The following CSMD1 variants were observed in gnomAD, a reference collection of about 807,000 sequenced individuals.
CSMD1 encodes the protein CUB and sushi domain-containing protein 1.
A neutral mutation model predicts 417.5 loss-of-function variants in CSMD1; 213 were observed. The ratio of observed to expected loss-of-function variants is 0.51; its 90% CI spans 0.46 to 0.57. CSMD1 has a LOEUF of 0.57. CSMD1 is among the 20% of genes least tolerant of loss of function. The pLI is 0.00. For missense variants in CSMD1, 6,923 were observed against 4,529.7 expected, an observed-to-expected ratio of 1.53 and a Z score of -15.17; for synonymous variants, 2,862 against 1,736.8, an observed-to-expected ratio of 1.65 and a Z score of -16.11.
At chr8:4,430,076 A>G (rs1158794623) in intron 2 of CSMD1, among the ~76,000 whole-genome samples, 1 of 152,322 alleles carries the variant, frequency 6.6e-6, no homozygotes, top group African/African-American at 2.4e-5. Flanking sequence ...AAGCAGAAAC[A>G]AAACTTAATG....
chr8:3,241,400 C>T (rs562436283), intron 26 of CSMD1, among the ~76,000 whole-genome samples: 1 of 152,016 alleles, frequency 6.6e-6, no homozygotes, highest in Admixed American at 6.6e-5. Flanking sequence ...ACGGTCTTAC[C>T]CTCCACTGTG....
intron 3 of CSMD1, among the ~76,000 whole-genome samples, chr8:4,181,895 T>C (rs141196719): frequency 3.2e-4 from 48 of 152,258 alleles, no homozygotes; most frequent in African/African-American, 1.1e-3. Flanking sequence ...TTCACAGTGA[T>C]AACCACAAAG....
At chr8:3,660,641 C>T (rs1178558431) in intron 7 of CSMD1, among the ~76,000 whole-genome samples, 2 of 151,514 alleles carry the variant, frequency 1.3e-5, no homozygotes, top group African/African-American at 4.9e-5. Flanking sequence ...CTACCTCAGC[C>T]TCCTGAGTAG....
At chr8:3,277,827 T>A (rs1253704338) in intron 26 of CSMD1, among the ~76,000 whole-genome samples, 1 of 152,154 alleles carries the variant, frequency 6.6e-6, no homozygotes, top group Non-Finnish European at 1.5e-5. Flanking sequence ...ATTGGGGGGA[T>A]GAATTATGTC....
intron 10 of CSMD1, among the ~76,000 whole-genome samples, chr8:3,564,057 A>T (rs1285605713): frequency 6.6e-6 from 1 of 152,164 alleles, no homozygotes; most frequent in African/African-American, 2.4e-5. Context: ...GGTACACGTG[A>T]TATTTTGGTA....
At chr8:3,790,564 C>T (rs917726346) in intron 5 of CSMD1, among the ~76,000 whole-genome samples, 2 of 152,212 alleles carry the variant, frequency 1.3e-5, no homozygotes, top group Admixed American at 6.5e-5. Context: ...CAACTAGGAA[C>T]AATCATAATT....
chr8:4,559,409 G>A (rs1471670903), intron 2 of CSMD1, among the ~76,000 whole-genome samples: 1 of 152,024 alleles, frequency 6.6e-6, no homozygotes, highest in South Asian at 2.1e-4. Flanking sequence ...CAAATACACT[G>A]AACCATGGCA....
intron 3 of CSMD1, among the ~76,000 whole-genome samples, chr8:4,037,010 T>C (rs1585180104): frequency 6.7e-6 from 1 of 149,800 alleles, no homozygotes; most frequent in South Asian, 2.1e-4. Flanking sequence ...CCTGCCATGG[T>C]AGTGTGTCCT....
At chr8:4,791,446 G>T (rs1280355535) in intron 1 of CSMD1, among the ~76,000 whole-genome samples, 4 of 152,136 alleles carry the variant, frequency 2.6e-5, no homozygotes, top group Non-Finnish European at 5.9e-5. Flanking sequence ...GGTCTATAAG[G>T]TTTGTGATCT....
At chr8:4,238,311 G>C (rs983086976) in intron 3 of CSMD1, among the ~76,000 whole-genome samples, 2 of 152,142 alleles carry the variant, frequency 1.3e-5, no homozygotes, top group African/African-American at 4.8e-5. Context: ...TCTCAGCTTG[G>C]TCCTCCTCAG....
intron 1 of CSMD1, among the ~76,000 whole-genome samples, chr8:4,780,107 T>A (rs1019262072): frequency 1.5e-4 from 23 of 152,194 alleles, no homozygotes; most frequent in African/African-American, 5.5e-4. Flanking sequence ...GCGTTTTGTA[T>A]TTTAGCAACA....
At position 2,936,122 on chromosome 8, in the gene CSMD1, AT is replaced by A. The variant is rs988007494; in HGVS notation, c.*2462del. On this transcript the variant is annotated 3_prime_UTR_variant, in exon 70 of 70. Transcript: ENST00000635120. The stretch of plus-strand genomic sequence containing the variant: ...GAATTCTCACACGAGAATTTCACTG[AT>A]TTTTTTTTTCATTTAAATAACATGC... 16 of 150,460 alleles carry A rather than the reference AT, an allele frequency of 1.1e-4. No homozygotes were observed. The highest frequency in any genetic ancestry group is 4.2e-4 in the South Asian group (2 of 4,742). 9.3% of individuals were successfully genotyped at this position (150,460 alleles called of 1,614,324 possible).
intron 5 of CSMD1, among the ~76,000 whole-genome samples, chr8:3,758,742 C>G (rs536481984): frequency 6.6e-6 from 1 of 152,162 alleles, no homozygotes; most frequent in South Asian, 2.1e-4. Flanking sequence ...CCCCAAGCCC[C>G]GAGGTCCTGC....
intron 17 of CSMD1, among the ~76,000 whole-genome samples, chr8:3,395,848 G>T (rs115631799): frequency 6.6e-6 from 1 of 151,954 alleles, no homozygotes; most frequent in African/African-American, 2.4e-5. Flanking sequence ...CATAATTTTA[G>T]TAATATATCC....
chr8:4,446,945 A>G (rs1206804891), intron 2 of CSMD1, among the ~76,000 whole-genome samples: 1 of 151,614 alleles, frequency 6.6e-6, no homozygotes, highest in Non-Finnish European at 1.5e-5. Flanking sequence ...TTAAAAAAAA[A>G]AAAAACATTG....
chr8:3,526,586 T>C (rs952326659), intron 10 of CSMD1, among the ~76,000 whole-genome samples: 3 of 152,222 alleles, frequency 2.0e-5, no homozygotes, highest in Admixed American at 6.5e-5. Context: ...GTGTTTATTC[T>C]AGGGCAATGT....
At chr8:4,832,109 C>A (rs2117447467) in intron 1 of CSMD1, among the ~76,000 whole-genome samples, 1 of 152,322 alleles carries the variant, frequency 6.6e-6, no homozygotes, top group Middle Eastern at 3.4e-3. Context: ...CTTTTGTGTA[C>A]TGTTCACTGA....
chr8:4,776,687 C>T (rs1240993604), intron 1 of CSMD1, among the ~76,000 whole-genome samples: 1 of 152,174 alleles, frequency 6.6e-6, no homozygotes. Flanking sequence ...CACAGGGAGA[C>T]AACCAGAACA....
At chr8:4,643,983 G>C (rs552997635) in intron 1 of CSMD1, among the ~76,000 whole-genome samples, 1 of 152,156 alleles carries the variant, frequency 6.6e-6, no homozygotes, top group Non-Finnish European at 1.5e-5. Flanking sequence ...GTACTTGGTT[G>C]GGTTTTACTC....
Sources: gnomAD v4.1 joint callset for allele counts (sites outside exome capture counted in the v4.1 genomes callset) on GRCh38, gnomAD v4.1.1 for gene constraint, MANE v1.5 for transcripts, NCBI Gene and HGNC (gene_info 2026-07-23, HGNC 2026-07-21) for gene names.